Variants in CPEB3 observed in about 807,000 individuals in gnomAD.
CPEB3 encodes cytoplasmic polyadenylation element-binding protein 3.
CPEB3 carries 20 observed loss-of-function variants against 67.2 expected under a neutral mutation model. The observed-to-expected ratio is 0.30, with a 90% confidence interval of 0.21 to 0.43. The LOEUF is 0.43. Among genes scored for constraint, CPEB3 ranks in the 20% least tolerant of loss-of-function variants. CPEB3 has a pLI of 1.00. For synonymous variants in CPEB3, 376 were observed against 393.1 expected (o/e 0.96, Z 0.51); for missense variants, 746 against 968.6 (o/e 0.77, Z 3.05).
At chr10:92,094,593 C>T (rs1184925312) in intron 7 of CPEB3, among the ~76,000 whole-genome samples, 1 of 150,598 alleles carries the variant, frequency 6.6e-6, no homozygotes, top group East Asian at 1.9e-4. Context: ...TAGAGCGAAA[C>T]TCCCTTTCAA....
chr10:92,206,402 G>C (rs1406023502), intron 2 of CPEB3, among the ~76,000 whole-genome samples: 2 of 152,030 alleles, frequency 1.3e-5, no homozygotes, highest in Non-Finnish European at 2.9e-5. Flanking sequence ...TCTGGTGATA[G>C]TTGGGTCCAG....
intron 4 of CPEB3, among the ~76,000 whole-genome samples, chr10:92,166,318 A>G (rs1847743792): frequency 6.6e-6 from 1 of 152,110 alleles, no homozygotes; most frequent in Non-Finnish European, 1.5e-5. Context: ...CATGTTGACC[A>G]GGCTGGTCTC....
intron 4 of CPEB3, among the ~76,000 whole-genome samples, chr10:92,172,301 C>CA (rs557048224): frequency 1.6e-4 from 24 of 151,576 alleles, no homozygotes; most frequent in South Asian, 1.3e-3. Context: ...ACAACAACAA[C>CA]AAAAAAAACA....
intron 9 of CPEB3, among the ~76,000 whole-genome samples, chr10:92,053,251 C>T (rs374668956): frequency 1.2e-4 from 18 of 152,238 alleles, no homozygotes; most frequent in South Asian, 6.2e-4. Flanking sequence ...TAAATCTAAA[C>T]GAAGCAAAGC....
chr10:92,255,765 C>A (rs1564912073), intron 1 of CPEB3, among the ~76,000 whole-genome samples: 1 of 152,222 alleles, frequency 6.6e-6, no homozygotes, highest in African/African-American at 2.4e-5. Context: ...ACTAATACAA[C>A]ACTATTCCAT....
At chr10:92,186,608 T>C (rs1848705286) in intron 3 of CPEB3, among the ~76,000 whole-genome samples, 1 of 152,010 alleles carries the variant, frequency 6.6e-6, no homozygotes, top group South Asian at 2.1e-4. Context: ...CTAATTTTCG[T>C]ATTTTTAGTA....
At chr10:92,143,927 A>G (rs951720585) in intron 5 of CPEB3, among the ~76,000 whole-genome samples, 13 of 152,226 alleles carry the variant, frequency 8.5e-5, no homozygotes, top group Non-Finnish European at 1.9e-4. Flanking sequence ...TGTCACCATG[A>G]AAAAAGGAAA....
intron 2 of CPEB3, among the ~76,000 whole-genome samples, chr10:92,219,618 G>A (rs1850599604): frequency 6.6e-6 from 1 of 151,972 alleles, no homozygotes; most frequent in Non-Finnish European, 1.5e-5. Flanking sequence ...CAGATATCCC[G>A]TTACATTTTA....
chr10:92,119,179 C>T (rs1307286773), intron 6 of CPEB3: 3 of 1,582,876 alleles, frequency 1.9e-6, no homozygotes, highest in East Asian at 4.5e-5. Flanking sequence ...CGGAGGTTCC[C>T]AGCATCATAT....
intron 2 of CPEB3, among the ~76,000 whole-genome samples, chr10:92,233,685 T>A (rs990664440): frequency 2.6e-5 from 4 of 152,152 alleles, no homozygotes; most frequent in African/African-American, 9.6e-5. Flanking sequence ...TTCCCATGAA[T>A]TCATGTAAGA....
chr10:92,289,306 G>C (rs1179445190), intron 1 of CPEB3, among the ~76,000 whole-genome samples: 1 of 152,088 alleles, frequency 6.6e-6, no homozygotes, highest in Non-Finnish European at 1.5e-5. Flanking sequence ...GGGAGGCCGA[G>C]ACGGGCTGAT....
At chr10:92,055,955 C>G (rs1842094468) in intron 9 of CPEB3, among the ~76,000 whole-genome samples, 1 of 152,150 alleles carries the variant, frequency 6.6e-6, no homozygotes, top group Non-Finnish European at 1.5e-5. Context: ...GAGATAGAAG[C>G]TGCAGTGAGC....
At chr10:92,082,543 G>A (rs180865412) in intron 8 of CPEB3, among the ~76,000 whole-genome samples, 30 of 152,208 alleles carry the variant, frequency 2.0e-4, no homozygotes, top group African/African-American at 6.0e-4. Flanking sequence ...GCCTCCCAAA[G>A]TGCTGGGATT....
intron 2 of CPEB3, among the ~76,000 whole-genome samples, chr10:92,229,287 GC>G (rs1851146966): frequency 6.6e-6 from 1 of 152,064 alleles, no homozygotes; most frequent in Admixed American, 6.6e-5. Flanking sequence ...TCCCACCTTG[GC>G]CCCGCAAAGT....
chr10:92,093,133 T>G (rs1434450363), intron 7 of CPEB3, among the ~76,000 whole-genome samples: 3 of 152,024 alleles, frequency 2.0e-5, no homozygotes, highest in Non-Finnish European at 4.4e-5. Context: ...AGAAGGCAAA[T>G]TTTGCACGGT....
chr10:92,273,267 T>G (rs1023139058), intron 1 of CPEB3, among the ~76,000 whole-genome samples: 7 of 152,346 alleles, frequency 4.6e-5, no homozygotes, highest in Admixed American at 3.9e-4. Flanking sequence ...CATACTTGTC[T>G]CTTCTGTTAA....
At chr10:92,260,729 C>T (rs1852759470) in intron 1 of CPEB3, among the ~76,000 whole-genome samples, 1 of 151,974 alleles carries the variant, frequency 6.6e-6, no homozygotes, top group African/African-American at 2.4e-5. Context: ...CTGCTTCAGC[C>T]TCCCGAGTAG....
chr10:92,097,404 G>A (rs1479028350), intron 7 of CPEB3, among the ~76,000 whole-genome samples: 2 of 152,148 alleles, frequency 1.3e-5, no homozygotes, highest in Admixed American at 6.5e-5. Flanking sequence ...TAGCACATAT[G>A]AGAGAAAATA....
At chr10:92,238,779 T>C (rs1851663818) in intron 2 of CPEB3, among the ~76,000 whole-genome samples, 1 of 152,228 alleles carries the variant, frequency 6.6e-6, no homozygotes, top group African/African-American at 2.4e-5. Context: ...CTGATTGTTA[T>C]TAATGATTCT....
Sources: allele counts gnomAD v4.1 joint callset (sites outside exome capture counted in the v4.1 genomes callset), GRCh38; gene constraint gnomAD v4.1.1; transcripts MANE v1.5; gene names NCBI Gene and HGNC (gene_info 2026-07-23, HGNC 2026-07-21).